XPO7: variants seen among roughly 807,000 people sequenced by gnomAD.
XPO7 encodes exportin 7.
XPO7 carries 21 observed loss-of-function variants against 144.3 expected under a neutral mutation model. The observed-to-expected ratio is 0.15, with a 90% confidence interval of 0.10 to 0.21. The LOEUF (loss-of-function observed/expected upper bound fraction) is 0.21, where lower values mean the gene tolerates loss of function less well. XPO7 is among the 10% of genes least tolerant of loss of function. The pLI is 1.00. For synonymous variants in XPO7, 580 were observed against 499.6 expected, an observed-to-expected ratio of 1.16 and a Z score of -2.15; for missense variants, 808 against 1,325.8, an observed-to-expected ratio of 0.61 and a Z score of 6.06.
intron 19 of XPO7, among the ~76,000 whole-genome samples, chr8:21,992,958 A>G (rs1472586295): frequency 1.3e-5 from 2 of 152,342 alleles, no homozygotes; most frequent in East Asian, 3.9e-4. Context: ...AAAAAATGCC[A>G]GGCTTTACCT....
intron 1 of XPO7, among the ~76,000 whole-genome samples, chr8:21,939,347 G>A (rs757893332): frequency 5.9e-5 from 9 of 151,578 alleles, no homozygotes; most frequent in Non-Finnish European, 1.3e-4. Flanking sequence ...TCAGCCTCCC[G>A]AGTAGCCGGA....
At chr8:21,929,988 A>G (rs936686202) in intron 1 of XPO7, among the ~76,000 whole-genome samples, 1 of 152,196 alleles carries the variant, frequency 6.6e-6, no homozygotes, top group African/African-American at 2.4e-5. Context: ...AATCCATCCT[A>G]GAAATAAATG....
chr8:21,965,481 G>A (rs1811853121), intron 1 of XPO7, among the ~76,000 whole-genome samples: 1 of 152,150 alleles, frequency 6.6e-6, no homozygotes, highest in Admixed American at 6.5e-5. Context: ...GATTAAGTGG[G>A]ACCCCTGGAA....
intron 1 of XPO7, among the ~76,000 whole-genome samples, chr8:21,947,170 C>T (rs1363277942): frequency 2.0e-5 from 3 of 152,094 alleles, no homozygotes; most frequent in East Asian, 1.9e-4. Flanking sequence ...ATGTTTAGGG[C>T]TATGGAGACA....
chr8:21,926,336 A>C (rs1810457475), intron 1 of XPO7, among the ~76,000 whole-genome samples: 1 of 152,146 alleles, frequency 6.6e-6, no homozygotes, highest in South Asian at 2.1e-4. Context: ...GCATGATAAG[A>C]AATTATGATA....
At chr8:21,989,846 TTTTTTTTTTTTTTTTTTTTTTG>T in intron 16 of XPO7, among the ~76,000 whole-genome samples, 1 of 57,596 alleles carries the variant, frequency 1.7e-5, no homozygotes, top group Non-Finnish European at 3.1e-5. Flanking sequence ...TTTTTTTTTT[TTTTTTTTTTTTTTTTTTTTTTG>T]AGATGGAGTC....
At chr8:21,999,852 C>G (rs987776296) in intron 24 of XPO7, among the ~76,000 whole-genome samples, 178 bp downstream of exon 24, 1 of 152,184 alleles carries the variant, frequency 6.6e-6, no homozygotes, top group Non-Finnish European at 1.5e-5. Flanking sequence ...TCACTGATTC[C>G]CTTCCTAAGT....
chr8:21,936,029 C>T (rs1810811415), intron 1 of XPO7, among the ~76,000 whole-genome samples: 1 of 152,120 alleles, frequency 6.6e-6, no homozygotes, highest in African/African-American at 2.4e-5. Context: ...CAGGAAAGAT[C>T]GACTGGGCAT....
intron 1 of XPO7, among the ~76,000 whole-genome samples, chr8:21,947,550 C>G (rs969012000): frequency 6.6e-6 from 1 of 152,136 alleles, no homozygotes; most frequent in Non-Finnish European, 1.5e-5. Flanking sequence ...CATAGACACA[C>G]ATCATACACA....
intron 1 of XPO7, among the ~76,000 whole-genome samples, chr8:21,932,704 C>G (rs1044120853): frequency 6.6e-5 from 10 of 152,122 alleles, no homozygotes; most frequent in Non-Finnish European, 1.5e-4. Context: ...TTTATTATTT[C>G]TAACGTTTAA....
At chr8:21,972,657 A>G (rs1182338023) in intron 5 of XPO7, among the ~76,000 whole-genome samples, 1 of 152,150 alleles carries the variant, frequency 6.6e-6, no homozygotes, top group Non-Finnish European at 1.5e-5. Flanking sequence ...TCCTGGCTAT[A>G]TTTTAGTCAT....
chr8:21,983,025 TC>T (rs1812456616), intron 11 of XPO7, among the ~76,000 whole-genome samples: 1 of 152,216 alleles, frequency 6.6e-6, no homozygotes, highest in Non-Finnish European at 1.5e-5. Context: ...CTATTCATAT[TC>T]CCCCTTTTCA....
rs148356579 is a variant in XPO7, at chr8:21,937,437, G to A, written c.18+17649G>A. On this transcript the variant is annotated intron_variant, in intron 1 of 27. Transcript: ENST00000252512. Reference sequence around the variant, plus strand: ...AAGGACTTTTAATTGATGTTTTGCTGGCAGACTCCACAGGAGCTGAGTTTA... The same window carrying A: ...AAGGACTTTTAATTGATGTTTTGCTAGCAGACTCCACAGGAGCTGAGTTTA... Among the ~76,000 whole-genome samples, 423 of 152,268 alleles carry A rather than the reference G, an allele frequency of 2.8e-3. 2 individuals are homozygous for A. Among genetic ancestry groups the A allele is most frequent in the South Asian group, 0.027 (128 of 4,828 alleles).
chr8:21,989,821 CTTTTTTTTTTTTTTTTTTTTT>C lies in XPO7; in HGVS notation c.1869-497_1869-477del, dbSNP rs1170364778. Among the ~76,000 whole-genome samples the C allele has an allele frequency of 8.5e-4, 51 of 59,704 alleles. 3 individuals are homozygous for C. Among genetic ancestry groups the C allele is most frequent in the East Asian group, 1.3e-3 (2 of 1,506 alleles). 39.2% of individuals were successfully genotyped at this position (59,704 alleles called of 152,430 possible). On this transcript the variant is annotated intron_variant, in intron 16 of 27. Coordinates refer to ENST00000252512, the MANE Select transcript of XPO7 (RefSeq NM_015024.5). ...AATAGGAGTTTGGTATAGGTGTTTC[CTTTTTTTTTTTTTTTTTTTTT>C]TTTTTTTTTTTTTTTTTTTTTTTTT...
At chr8:21,963,694 C>CA (rs5890015) in intron 1 of XPO7, among the ~76,000 whole-genome samples, 111 of 131,210 alleles carry the variant, frequency 8.5e-4, no homozygotes, top group East Asian at 3.3e-3. Flanking sequence ...GACTCCGTCT[C>CA]AAAAAAAAAA....
chr8:21,955,257 A>G (rs141122983), intron 1 of XPO7, among the ~76,000 whole-genome samples: 16 of 152,346 alleles, frequency 1.1e-4, no homozygotes, highest in African/African-American at 3.8e-4. Flanking sequence ...TTTTTTATGA[A>G]GAAGGAGTGA....
chr8:21,981,479 G>T (rs1330741734), intron 9 of XPO7, among the ~76,000 whole-genome samples: 2 of 152,138 alleles, frequency 1.3e-5, no homozygotes, highest in Non-Finnish European at 2.9e-5. Flanking sequence ...TGTCCATTGA[G>T]GCTAATAATG....
intron 5 of XPO7, among the ~76,000 whole-genome samples, chr8:21,972,940 A>G (rs1356203712): frequency 6.6e-6 from 1 of 152,248 alleles, no homozygotes; most frequent in Non-Finnish European, 1.5e-5. Flanking sequence ...AGTAATTACC[A>G]AAATAATAAC....
intron 1 of XPO7, among the ~76,000 whole-genome samples, chr8:21,921,097 C>A (rs542675363): frequency 6.6e-6 from 1 of 152,196 alleles, no homozygotes; most frequent in South Asian, 2.1e-4. Flanking sequence ...AAAGCCAGTA[C>A]CTTGGCTTAA....
Sources: gnomAD v4.1 joint callset for allele counts (sites outside exome capture counted in the v4.1 genomes callset) on GRCh38, gnomAD v4.1.1 for gene constraint, MANE v1.5 for transcripts, NCBI Gene and HGNC (gene_info 2026-07-23, HGNC 2026-07-21) for gene names.